ATXN1: variants seen among roughly 807,000 people sequenced by gnomAD.
ATXN1 encodes ataxin-1.
Under a neutral mutation model 56.4 loss-of-function variants are expected in ATXN1, and 8 were observed. That is an observed-to-expected ratio of 0.14 (90% CI 0.08 to 0.26). ATXN1 has a LOEUF of 0.26. ATXN1 is among the 10% of genes least tolerant of loss of function. ATXN1 has a pLI of 1.00. For missense variants in ATXN1, 987 were observed against 1,106.5 expected (o/e 0.89, Z 1.53); for synonymous variants, 514 against 494.6 (o/e 1.04, Z -0.52).
At chr6:16,708,852 CCT>C (rs1414417468) in intron 2 of ATXN1, among the ~76,000 whole-genome samples, 1 of 151,954 alleles carries the variant, frequency 6.6e-6, no homozygotes, top group African/African-American at 2.4e-5. Flanking sequence ...GTGGCGAAAC[CCT>C]GTCTCTACTA....
chr6:16,469,023 C>T (rs1461489227), intron 6 of ATXN1, among the ~76,000 whole-genome samples: 3 of 152,308 alleles, frequency 2.0e-5, no homozygotes, highest in Non-Finnish European at 4.4e-5. Context: ...TCTGCCAAAA[C>T]TGTGCAACAG....
At chr6:16,501,384 G>A (rs1760882345) in intron 5 of ATXN1, among the ~76,000 whole-genome samples, 1 of 152,136 alleles carries the variant, frequency 6.6e-6, no homozygotes. Flanking sequence ...GTATACATGT[G>A]CCATGGTGGT....
At chr6:16,640,511 A>G (rs554608720) in intron 3 of ATXN1, among the ~76,000 whole-genome samples, 6 of 152,112 alleles carry the variant, frequency 3.9e-5, no homozygotes, top group East Asian at 1.9e-4. Flanking sequence ...GTGAAACTCA[A>G]TCTCTACTAA....
chr6:16,531,692 T>C (rs1265537861), intron 4 of ATXN1, among the ~76,000 whole-genome samples: 1 of 150,756 alleles, frequency 6.6e-6, no homozygotes, highest in Non-Finnish European at 1.5e-5. Context: ...ACAGCCCCAG[T>C]GGTGCTAAGG....
intron 4 of ATXN1, among the ~76,000 whole-genome samples, chr6:16,581,872 A>T (rs114111635): frequency 1.3e-5 from 2 of 152,342 alleles, no homozygotes; most frequent in Non-Finnish European, 2.9e-5. Context: ...AGACACGGTG[A>T]CATCCATCTT....
chr6:16,661,488 A>G (rs910771973), intron 2 of ATXN1, among the ~76,000 whole-genome samples: 1 of 152,152 alleles, frequency 6.6e-6, no homozygotes, highest in African/African-American at 2.4e-5. Flanking sequence ...CCATAAGGGG[A>G]TATAAATTAA....
chr6:16,348,465 A>AG (rs969267447), intron 6 of ATXN1, among the ~76,000 whole-genome samples: 70 of 152,030 alleles, frequency 4.6e-4, no homozygotes, highest in African/African-American at 8.2e-4. Context: ...TCAGAGGCCG[A>AG]GGGGGGGCAG....
At chr6:16,422,016 G>C (rs1337502472) in intron 6 of ATXN1, among the ~76,000 whole-genome samples, 1 of 152,046 alleles carries the variant, frequency 6.6e-6, no homozygotes, top group Non-Finnish European at 1.5e-5. Flanking sequence ...CCAGTAAGAA[G>C]TAAGATCTTC....
At chr6:16,307,314 G>A (rs1374915044) in intron 7 of ATXN1, among the ~76,000 whole-genome samples, 3 of 152,210 alleles carry the variant, frequency 2.0e-5, no homozygotes, top group African/African-American at 7.2e-5. Flanking sequence ...GGATCAGAGT[G>A]AGACTGTGAG....
At chr6:16,731,382 G>C (rs1444697278) in intron 2 of ATXN1, among the ~76,000 whole-genome samples, 4 of 146,346 alleles carry the variant, frequency 2.7e-5, no homozygotes, top group Non-Finnish European at 6.0e-5. Flanking sequence ...GAGGGCATCA[G>C]AGTCGTCATA....
At chr6:16,413,759 T>C (rs1004966526) in intron 6 of ATXN1, among the ~76,000 whole-genome samples, 2 of 152,162 alleles carry the variant, frequency 1.3e-5, no homozygotes, top group African/African-American at 4.8e-5. Flanking sequence ...TCTGGGCTTT[T>C]TTACTGACGC....
intron 6 of ATXN1, among the ~76,000 whole-genome samples, chr6:16,337,821 G>T (rs1172289130): frequency 1.3e-5 from 2 of 152,134 alleles, no homozygotes; most frequent in African/African-American, 4.8e-5. Flanking sequence ...AAAGTGAGAG[G>T]AAGTGAGCCC....
intron 7 of ATXN1, among the ~76,000 whole-genome samples, chr6:16,320,822 T>C (rs577730598): frequency 1.3e-5 from 2 of 152,328 alleles, no homozygotes; most frequent in East Asian, 3.9e-4. Context: ...TCATTTAGCC[T>C]TAGAAACAGG....
chr6:16,655,253 G>C (rs892691749), intron 3 of ATXN1, among the ~76,000 whole-genome samples: 1 of 152,206 alleles, frequency 6.6e-6, no homozygotes, highest in African/African-American at 2.4e-5. Flanking sequence ...AGGCACAGTG[G>C]TGCATGCCTG....
At chr6:16,311,549 CTGTACAAG>C (rs1392590673) in intron 7 of ATXN1, among the ~76,000 whole-genome samples, 2 of 152,334 alleles carry the variant, frequency 1.3e-5, no homozygotes, top group Admixed American at 1.3e-4. Flanking sequence ...TCTAGTTACC[CTGTACAAG>C]TGTGTGACAC....
intron 6 of ATXN1, among the ~76,000 whole-genome samples, chr6:16,469,784 C>G (rs891808514): frequency 6.6e-5 from 10 of 151,970 alleles, no homozygotes; most frequent in Non-Finnish European, 5.9e-5. Context: ...ACCAACATGG[C>G]AAAACCCTGA....
Position 16,390,415 on chromosome 6 carries a change from G to A in ATXN1, c.-160-61945C>T, listed in dbSNP as rs866526824. Among the ~76,000 whole-genome samples the A allele has an allele frequency of 9.9e-5, 15 of 152,088 alleles. No homozygotes were observed. The East Asian group carries it at 2.9e-3, about 29-fold the overall frequency. ...GCATCTTTCTCTCATACACTGCACT[G>A]CCTTTGGGATGCCTGAGTTCATACT... On this transcript the variant is annotated intron_variant, in intron 6 of 7. Coordinates refer to ENST00000436367, the MANE Select transcript of ATXN1 (RefSeq NM_001128164.2).
At chr6:16,666,364 A>AT (rs1371249431) in intron 2 of ATXN1, among the ~76,000 whole-genome samples, 4 of 151,970 alleles carry the variant, frequency 2.6e-5, no homozygotes, top group African/African-American at 9.7e-5. Flanking sequence ...TATGTACCTT[A>AT]TTTTCTTTAT....
At chr6:16,461,483 C>T (rs536705588) in intron 6 of ATXN1, among the ~76,000 whole-genome samples, 56 of 152,290 alleles carry the variant, frequency 3.7e-4, no homozygotes, top group Non-Finnish European at 6.5e-4. Context: ...CTTGGTCCAT[C>T]GTAAGGCCCC....
Sources: allele counts gnomAD v4.1 joint callset (sites outside exome capture counted in the v4.1 genomes callset), GRCh38; gene constraint gnomAD v4.1.1; transcripts MANE v1.5; gene names NCBI Gene and HGNC (gene_info 2026-07-23, HGNC 2026-07-21).